Variants in ROBO2 observed in about 807,000 individuals in gnomAD.
ROBO2 encodes roundabout guidance receptor 2.
Under a neutral mutation model 160.8 loss-of-function variants are expected in ROBO2, and 53 were observed. That is an observed-to-expected ratio of 0.33 (90% CI 0.26 to 0.41). The LOEUF (loss-of-function observed/expected upper bound fraction) is 0.41. Among genes scored for constraint, ROBO2 ranks in the 10% least tolerant of loss-of-function variants. The pLI, the probability that ROBO2 is intolerant of heterozygous loss-of-function variation, is 1.00. For synonymous variants in ROBO2, 664 were observed against 611.7 expected (o/e 1.09, Z -1.26); for missense variants, 1,577 against 1,722.4 (o/e 0.92, Z 1.49).
intron 2 of ROBO2, among the ~76,000 whole-genome samples, chr3:75,938,873 C>G (rs62269822): frequency 6.6e-6 from 1 of 152,070 alleles, no homozygotes; most frequent in East Asian, 1.9e-4. Flanking sequence ...ATATTAGCAT[C>G]TAATAGAATT....
rs1046736815 is a variant in ROBO2 at position 77,065,646 on chromosome 3, T to A, written c.61+24800T>A. 2.7e-4 allele frequency among the ~76,000 whole-genome samples: 41 copies of A among 152,146 alleles called. 1 individual carries two copies. The highest frequency in any genetic ancestry group is 1.3e-4 in the Admixed American group (2 of 15,268). ...TTGTTACCTTAGTAATGGCCCAAAT[T>A]TAAACATTTCTTAAAATTGGTTAAT... On this transcript the variant is annotated intron_variant, in intron 1 of 25. Coordinates refer to ENST00000461745, the Ensembl canonical transcript of ROBO2.
chr3:76,248,304 T>C (rs1200406702), intron 2 of ROBO2, among the ~76,000 whole-genome samples: 2 of 152,018 alleles, frequency 1.3e-5, no homozygotes, highest in Non-Finnish European at 2.9e-5. Flanking sequence ...TGGAATACTA[T>C]GCAGCCATAA....
Position 76,435,295 on chromosome 3 carries a change from C to G in ROBO2, c.109+497693C>G, listed in dbSNP as rs1294023380. 5 of 1,019,752 alleles carry G rather than the reference C, an allele frequency of 4.9e-6. No homozygotes were observed. In the East Asian group the frequency reaches 9.5e-5, roughly 19 times the overall value. 63.2% of individuals were successfully genotyped at this position (1,019,752 alleles called of 1,614,324 possible). A position where few individuals can be genotyped will look rare whatever the true frequency, so the allele number is the denominator to read the frequency against. ...TCCCTGGATTGTGAGATAGTCAGTG[C>G]CAAATCTTCCTAGATGAACACCCTC... On this transcript the variant is annotated intron_variant, in intron 2 of 26. Transcript: ENST00000487694.
intron 1 of ROBO2, among the ~76,000 whole-genome samples, chr3:77,045,403 C>G (rs1178679491): frequency 6.6e-6 from 1 of 152,134 alleles, no homozygotes; most frequent in African/African-American, 2.4e-5. Context: ...TCTAAAATTG[C>G]CCTAATCATT....
intron 19 of ROBO2, 81 bp from the exon 21 acceptor site, chr3:77,602,129 C>T: frequency 7.1e-7 from 1 of 1,411,218 alleles, no homozygotes; most frequent in Non-Finnish European, 1.0e-6. Context: ...GTGTGACACA[C>T]TTATTTTTCA....
intron 2 of ROBO2, among the ~76,000 whole-genome samples, chr3:76,146,518 A>T (rs776787029): frequency 6.6e-6 from 1 of 151,812 alleles, no homozygotes; most frequent in Non-Finnish European, 1.5e-5. Context: ...AACTCACTAG[A>T]TTAGATCGGT....
intron 2 of ROBO2, among the ~76,000 whole-genome samples, chr3:76,399,706 A>G (rs935653309): frequency 6.6e-6 from 1 of 151,746 alleles, no homozygotes; most frequent in African/African-American, 2.4e-5. Context: ...TTGCCAAAGA[A>G]TAAGGGATAG....
intron 2 of ROBO2, among the ~76,000 whole-genome samples, chr3:77,136,502 T>TC (rs2076285600): frequency 6.7e-6 from 1 of 149,614 alleles, no homozygotes; most frequent in Non-Finnish European, 1.5e-5. Context: ...TTTTTTTTTT[T>TC]TTTTAAGAAA....
At chr3:76,197,188 C>T (rs192641174) in intron 2 of ROBO2, among the ~76,000 whole-genome samples, 1 of 146,092 alleles carries the variant, frequency 6.8e-6, no homozygotes, top group Non-Finnish European at 1.5e-5. Context: ...CTGAGCTAAT[C>T]GGTCTCTCTA....
chr3:75,946,746 G>C (rs1948311719), intron 2 of ROBO2, among the ~76,000 whole-genome samples: 2 of 152,060 alleles, frequency 1.3e-5, no homozygotes, highest in Admixed American at 1.3e-4. Flanking sequence ...AAGCCAGTTT[G>C]GCTGGAATGT....
At chr3:77,634,498 C>A in intron 23 of ROBO2, 1 of 261,000 alleles carries the variant, frequency 3.8e-6, no homozygotes, top group South Asian at 4.6e-5. Context: ...TCATAAATAG[C>A]TTCTTTAATT....
At chr3:77,083,055 G>A (rs1478779590) in intron 1 of ROBO2, among the ~76,000 whole-genome samples, 3 of 152,008 alleles carry the variant, frequency 2.0e-5, no homozygotes, top group African/African-American at 7.2e-5. Context: ...AAGCTACCTC[G>A]ATGAAATAGA....
intron 2 of ROBO2, among the ~76,000 whole-genome samples, chr3:76,916,943 C>T (rs910356620): frequency 6.6e-6 from 1 of 152,048 alleles, no homozygotes; most frequent in Non-Finnish European, 1.5e-5. Flanking sequence ...AGAGAAACTT[C>T]TAGTTGAATT....
intron 2 of ROBO2, among the ~76,000 whole-genome samples, chr3:76,588,504 T>G (rs750406451): frequency 6.6e-6 from 1 of 152,188 alleles, no homozygotes; most frequent in South Asian, 2.1e-4. Context: ...GTATAAAGCA[T>G]CTCTGTTGAA....
chr3:77,568,071 A>C (rs1435427671), intron 12 of ROBO2, among the ~76,000 whole-genome samples: 2 of 151,960 alleles, frequency 1.3e-5, no homozygotes, highest in Non-Finnish European at 2.9e-5. Flanking sequence ...TTGAATGCGG[A>C]TGAGGGATTA....
chr3:76,010,457 C>T (rs72890360), intron 2 of ROBO2, among the ~76,000 whole-genome samples: 1 of 152,188 alleles, frequency 6.6e-6, no homozygotes, highest in Non-Finnish European at 1.5e-5. Context: ...CTGTCACTGT[C>T]CCAGAGGTTT....
At chr3:76,290,773 G>T (rs977480492) in intron 2 of ROBO2, among the ~76,000 whole-genome samples, 1 of 152,074 alleles carries the variant, frequency 6.6e-6, no homozygotes, top group African/African-American at 2.4e-5. Flanking sequence ...CGTTTATTGA[G>T]ATGATCATGT....
At chr3:75,962,709 G>A (rs897533694) in intron 2 of ROBO2, among the ~76,000 whole-genome samples, 1 of 151,762 alleles carries the variant, frequency 6.6e-6, no homozygotes, top group African/African-American at 2.4e-5. Flanking sequence ...TCTACAGTCT[G>A]TATTTTTTTC....
At chr3:75,979,217 T>G (rs2065212905) in intron 2 of ROBO2, among the ~76,000 whole-genome samples, 1 of 151,570 alleles carries the variant, frequency 6.6e-6, no homozygotes, top group Non-Finnish European at 1.5e-5. Flanking sequence ...AGATACTCTA[T>G]CATACTAGGA....
Sources: allele counts gnomAD v4.1 joint callset (sites outside exome capture counted in the v4.1 genomes callset), GRCh38; gene constraint gnomAD v4.1.1; transcripts MANE v1.5; gene names NCBI Gene and HGNC (gene_info 2026-07-23, HGNC 2026-07-21).